Variants in ANO1 observed in about 807,000 individuals in gnomAD.
ANO1 encodes anoctamin-1.
Under a neutral mutation model 124.0 loss-of-function variants are expected in ANO1, and 59 were observed. That is an observed-to-expected ratio of 0.48 (90% CI 0.39 to 0.59). ANO1 has a LOEUF of 0.59. Ranked by LOEUF, ANO1 falls within the 20% of genes least tolerant of loss-of-function variation. The pLI, the probability that ANO1 is intolerant of heterozygous loss-of-function variation, is 0.00. For missense variants in ANO1, 1,059 were observed against 1,328.0 expected, an observed-to-expected ratio of 0.80 and a Z score of 3.15; for synonymous variants, 529 against 532.0, an observed-to-expected ratio of 0.99 and a Z score of 0.08.
intron 2 of ANO1, among the ~76,000 whole-genome samples, 164 bp downstream of exon 2, chr11:70,088,248 A>C (rs1348286638): frequency 6.6e-6 from 1 of 152,042 alleles, no homozygotes; most frequent in African/African-American, 2.4e-5. Context: ...GCAGTGGCTC[A>C]CACCTGTAAT....
chr11:70,078,406 C>T lies in ANO1; in HGVS notation c.-201C>T, dbSNP rs2044094019. On this transcript the variant is annotated 5_prime_UTR_variant, in exon 1 of 26. Transcript: ENST00000355303. Reference sequence around the variant, plus strand: ...TCGGCCCCGAGAGGCTCAGGCGCCCCCCGCATCGAGCGCGCGGGCCGGGCG... The same window carrying T: ...TCGGCCCCGAGAGGCTCAGGCGCCCTCCGCATCGAGCGCGCGGGCCGGGCG... 2.0e-5 allele frequency: 3 copies of T among 149,444 alleles called. No homozygotes were observed. The Admixed American group carries it at 2.0e-4, about 10-fold the overall frequency. The allele number at this position is 149,444 out of a possible 1,614,324, so 9.3% of individuals were successfully genotyped here.
At chr11:70,082,920 A>C (rs948387249) in intron 1 of ANO1, among the ~76,000 whole-genome samples, 5 of 152,080 alleles carry the variant, frequency 3.3e-5, no homozygotes, top group African/African-American at 1.2e-4. Flanking sequence ...GAGAGAGCCC[A>C]CACCTTAAAA....
At chr11:69,968,319 G>A in the ANO1 span, among the ~76,000 whole-genome samples, 1 of 152,156 alleles carries the variant, frequency 6.6e-6, no homozygotes, top group African/African-American at 2.4e-5. Flanking sequence ...GCCAAAGCAG[G>A]AACGACCCCC....
At position 70,188,053 on chromosome 11, in the gene ANO1, C is replaced by G. The variant is rs1326678554; in HGVS notation, c.*49C>G. On this transcript the variant is annotated 3_prime_UTR_variant, in exon 26 of 26. Transcript: ENST00000355303. ...CCAGCCGGGCATCCTGACCGATGGGCACCCTCTCCCAGGGCAGGCGGCTTC... is the reference window on the plus strand; with the variant it reads ...CCAGCCGGGCATCCTGACCGATGGGGACCCTCTCCCAGGGCAGGCGGCTTC... The G allele has an allele frequency of 1.3e-6, 2 of 1,523,412 alleles. No homozygotes were observed. Among genetic ancestry groups the G allele is most frequent in the South Asian group, 2.4e-5 (2 of 81,750 alleles). 94.4% of individuals were successfully genotyped at this position (1,523,412 alleles called of 1,614,324 possible).
chr11:70,071,001 G>A (rs2135138555), intron 1 of ANO1, among the ~76,000 whole-genome samples: 1 of 152,280 alleles, frequency 6.6e-6, no homozygotes, highest in African/African-American at 2.4e-5. Flanking sequence ...CAAGGTAGAT[G>A]GCCCATGTAC....
intron 1 of ANO1, among the ~76,000 whole-genome samples, chr11:70,012,444 A>G (rs1166162095): frequency 6.7e-6 from 1 of 150,086 alleles, no homozygotes; most frequent in African/African-American, 2.5e-5. Context: ...CTATCCATTC[A>G]TTCATCTATC....
At chr11:70,025,850 G>A (rs1256835149) in intron 1 of ANO1, among the ~76,000 whole-genome samples, 1 of 149,604 alleles carries the variant, frequency 6.7e-6, no homozygotes, top group South Asian at 2.2e-4. Flanking sequence ...TGATGATGGT[G>A]GTGGTGATGG....
chr11:69,976,322 A>T, the ANO1 span, among the ~76,000 whole-genome samples: 1 of 151,964 alleles, frequency 6.6e-6, no homozygotes, highest in Non-Finnish European at 1.5e-5. Context: ...ATCCTGGCTA[A>T]CACGGTGAAA....
At chr11:70,056,536 C>T (rs1293627294) in intron 1 of ANO1, 1 of 151,334 alleles carries the variant, frequency 6.6e-6, no homozygotes, top group Non-Finnish European at 1.5e-5. Flanking sequence ...GCTAGATGTC[C>T]TAGGAAAAAA....
chr11:69,966,460 C>T, the ANO1 span, among the ~76,000 whole-genome samples: 3 of 152,200 alleles, frequency 2.0e-5, no homozygotes, highest in Non-Finnish European at 4.4e-5. Flanking sequence ...TGGGTCCAGC[C>T]CCCGCCACGC....
intron 1 of ANO1, among the ~76,000 whole-genome samples, chr11:70,029,663 A>G (rs1378782522): frequency 6.6e-6 from 1 of 152,200 alleles, no homozygotes; most frequent in Non-Finnish European, 1.5e-5. Flanking sequence ...GACTGTAACA[A>G]ATTTCCACAA....
chr11:69,980,635 A>C, the ANO1 span, among the ~76,000 whole-genome samples: 4 of 151,782 alleles, frequency 2.6e-5, no homozygotes, highest in Non-Finnish European at 5.9e-5. Flanking sequence ...AAAACAAAAA[A>C]CTGTAGAGAT....
At chr11:70,185,362 G>T (rs769908221) in intron 24 of ANO1, among the ~76,000 whole-genome samples, 1 of 152,182 alleles carries the variant, frequency 6.6e-6, no homozygotes, top group Non-Finnish European at 1.5e-5. Flanking sequence ...CATGAAGCCC[G>T]TCAGGTCCTG....
chr11:69,978,496 G>A, the ANO1 span, among the ~76,000 whole-genome samples: 1 of 152,172 alleles, frequency 6.6e-6, no homozygotes, highest in African/African-American at 2.4e-5. Flanking sequence ...GACTACAGGT[G>A]TGCGCCAACA....
the ANO1 span, among the ~76,000 whole-genome samples, chr11:69,974,212 G>A: frequency 5.9e-5 from 9 of 151,910 alleles, no homozygotes; most frequent in East Asian, 1.9e-4. Flanking sequence ...CCAGCTACTC[G>A]GGAGGCTGAG....
chr11:70,025,992 GTGATGA>G (rs576454721), intron 1 of ANO1, among the ~76,000 whole-genome samples: 10 of 141,820 alleles, frequency 7.1e-5, no homozygotes, highest in Admixed American at 3.5e-4. Context: ...GGTAGTGGTG[GTGATGA>G]TGATGATGAT....
At chr11:70,096,568 G>A (rs2044974091) in intron 2 of ANO1, among the ~76,000 whole-genome samples, 1 of 152,134 alleles carries the variant, frequency 6.6e-6, no homozygotes, top group Non-Finnish European at 1.5e-5. Context: ...GATCAGAGGT[G>A]GAACAGTTTC....
At chr11:70,032,542 G>GC (rs1193449991) in intron 1 of ANO1, among the ~76,000 whole-genome samples, 2 of 151,386 alleles carry the variant, frequency 1.3e-5, no homozygotes, top group African/African-American at 2.4e-5. Flanking sequence ...GAGAGGGGGG[G>GC]GGTCTCTGAA....
At chr11:70,075,572 G>T (rs903397680), upstream of ANO1, 2 of 152,228 alleles carry the variant, frequency 1.3e-5, no homozygotes, top group Non-Finnish European at 2.9e-5. Flanking sequence ...CCAGCTGGGA[G>T]GCCCGGAGCT....
Sources: allele counts gnomAD v4.1 joint callset (sites outside exome capture counted in the v4.1 genomes callset), GRCh38; gene constraint gnomAD v4.1.1; transcripts MANE v1.5; gene names NCBI Gene and HGNC (gene_info 2026-07-23, HGNC 2026-07-21).